Variants in SEC24A observed in about 807,000 individuals in gnomAD.
SEC24A encodes the protein SEC24 homolog A, COPII component, also known as protein transport protein Sec24A.
SEC24A carries 93 observed loss-of-function variants against 129.4 expected under a neutral mutation model. The ratio of observed to expected loss-of-function variants is 0.72; its 90% confidence interval spans 0.61 to 0.85. The LOEUF is 0.85. Among genes scored for constraint, SEC24A ranks in the 40% least tolerant of loss-of-function variants. SEC24A has a pLI of 0.00. For synonymous variants in SEC24A, 460 were observed against 467.3 expected (o/e 0.98, Z 0.20); for missense variants, 1,264 against 1,307.4 (o/e 0.97, Z 0.51).
chr5:134,713,376 C>T (rs1232753413), intron 18 of SEC24A, among the ~76,000 whole-genome samples: 1 of 152,120 alleles, frequency 6.6e-6, no homozygotes, highest in Non-Finnish European at 1.5e-5. Flanking sequence ...CCTCACCATC[C>T]TGACACCCCT....
intron 10 of SEC24A, among the ~76,000 whole-genome samples, chr5:134,687,766 TC>T (rs1260833979): frequency 6.6e-6 from 1 of 152,260 alleles, no homozygotes; most frequent in East Asian, 1.9e-4. Context: ...TATTTGTAGT[TC>T]TTTAAAATAG....
intron 3 of SEC24A, among the ~76,000 whole-genome samples, chr5:134,669,032 A>G (rs918552955): frequency 2.0e-5 from 3 of 151,264 alleles, no homozygotes; most frequent in Non-Finnish European, 4.4e-5. Context: ...AGATCACACC[A>G]CAGTACTCCA....
intron 13 of SEC24A, 104 bp downstream of exon 13, chr5:134,694,037 A>G: frequency 1.1e-6 from 1 of 888,742 alleles, no homozygotes; most frequent in Non-Finnish European, 1.7e-6. Flanking sequence ...TGTTGGGAGG[A>G]GGGACTATAA....
intron 9 of SEC24A, among the ~76,000 whole-genome samples, 194 bp from the exon 10 acceptor site, chr5:134,686,595 AT>A (rs1244403107): frequency 6.6e-6 from 1 of 152,154 alleles, no homozygotes; most frequent in Non-Finnish European, 1.5e-5. Context: ...ACTCTTCTGA[AT>A]TACGGCAATC....
chr5:134,687,408 C>T (rs1751489661), intron 10 of SEC24A, among the ~76,000 whole-genome samples: 1 of 152,156 alleles, frequency 6.6e-6, no homozygotes, highest in Non-Finnish European at 1.5e-5. Flanking sequence ...AAACAGTATA[C>T]ACACATTGCA....
At chr5:134,691,940 A>AT (rs1357679007) in intron 11 of SEC24A, among the ~76,000 whole-genome samples, 2 of 148,918 alleles carry the variant, frequency 1.3e-5, no homozygotes, top group Non-Finnish European at 3.0e-5. Context: ...AGGGCCAGCC[A>AT]TTTAAAAAAA....
intron 15 of SEC24A, among the ~76,000 whole-genome samples, chr5:134,699,384 C>T (rs559829051): frequency 2.6e-5 from 4 of 151,174 alleles, no homozygotes; most frequent in Non-Finnish European, 5.9e-5. Context: ...CTGCAAGCTC[C>T]GCCTCCTGGG....
intron 19 of SEC24A, among the ~76,000 whole-genome samples, chr5:134,716,067 A>T (rs1385817353): frequency 6.6e-6 from 1 of 152,122 alleles, no homozygotes; most frequent in African/African-American, 2.4e-5. Flanking sequence ...CTTTGGTAGA[A>T]ATTTACCAGA....
intron 7 of SEC24A, among the ~76,000 whole-genome samples, chr5:134,677,393 G>A (rs541569631): frequency 2.0e-5 from 3 of 151,710 alleles, no homozygotes; most frequent in Admixed American, 6.6e-5. Context: ...CTTGAGGATT[G>A]CTGACTTTCC....
intron 3 of SEC24A, among the ~76,000 whole-genome samples, chr5:134,668,463 C>T (rs1247091787): frequency 2.0e-5 from 3 of 151,618 alleles, no homozygotes; most frequent in African/African-American, 7.3e-5. Context: ...CGGTGGCTCA[C>T]GCCTATAATC....
chr5:134,666,789 T>C, intron 2 of SEC24A, 34 bp from the exon 3 acceptor site: 1 of 1,603,124 alleles, frequency 6.2e-7, no homozygotes, highest in South Asian at 1.1e-5. Flanking sequence ...TCTTGAGTTC[T>C]CAAGTGACGT....
At chr5:134,654,204 T>G (rs560959252) in intron 1 of SEC24A, among the ~76,000 whole-genome samples, 137 of 151,318 alleles carry the variant, frequency 9.1e-4, no homozygotes, top group African/African-American at 3.2e-3. Flanking sequence ...ACAGTAGCCT[T>G]TTTCAAAAAA....
rs116104000 is a variant in SEC24A at position 134,692,513 on chromosome 5, G to A, written c.1724-89G>A. 1.2e-3 allele frequency: 784 copies of A among 670,490 alleles called. 8 individuals are homozygous for A. In the African/African-American group the frequency reaches 0.013, roughly 11 times the overall value. The allele number at this position is 670,490 out of a possible 1,614,324, so 41.5% of individuals were successfully genotyped here. On this transcript the variant is annotated intron_variant, in intron 11 of 22. Coordinates refer to ENST00000398844, the MANE Select transcript of SEC24A (RefSeq NM_021982.3). ...GAGGAGGTGGCTTATTTTTAAGGAA[G>A]GGGGTGGTTAATTGCATTAGTGTTA...
At chr5:134,656,360 G>A (rs1051385164) in intron 1 of SEC24A, among the ~76,000 whole-genome samples, 3 of 152,036 alleles carry the variant, frequency 2.0e-5, no homozygotes, top group African/African-American at 4.8e-5. Flanking sequence ...TTACAGGCCT[G>A]AGCCACCGCG....
rs746497470 is a variant in SEC24A, at chr5:134,686,924, A to G, written c.1604+22A>G. The G allele has an allele frequency of 3.8e-6, 5 of 1,300,216 alleles. No homozygotes were observed. The South Asian group carries it at 6.4e-5, about 17-fold the overall frequency. 80.5% of individuals were successfully genotyped at this position (1,300,216 alleles called of 1,614,324 possible). Reference sequence around the variant, plus strand: ...ATTTGTAAGTTTCTCAATTCAGCTTAAATATGAAACTAATAATATTTTCTA... The same window carrying G: ...ATTTGTAAGTTTCTCAATTCAGCTTGAATATGAAACTAATAATATTTTCTA... On this transcript the variant is annotated intron_variant, in intron 10 of 22. Transcript: ENST00000398844.
chr5:134,718,208 A>ATACTGTTTAAAC, intron 20 of SEC24A, 35 bp downstream of exon 20: 1 of 1,396,842 alleles, frequency 7.2e-7, no homozygotes, highest in Admixed American at 1.7e-5. Context: ...CCTCACTGCA[A>ATACTGTTTAAAC]ACTACTATAC....
At chr5:134,686,935 TA>T (rs1159996754) in intron 10 of SEC24A, 33 bp downstream of exon 10, 1 of 1,160,582 alleles carries the variant, frequency 8.6e-7, no homozygotes, top group Non-Finnish European at 1.3e-6. Flanking sequence ...AATATGAAAC[TA>T]ATAATATTTT....
intron 12 of SEC24A, chr5:134,693,141 C>T: frequency 1.3e-6 from 2 of 1,535,650 alleles, no homozygotes; most frequent in Non-Finnish European, 1.7e-6. Context: ...ATGTTGTCTA[C>T]CCTGTACATG....
chr5:134,683,236 G>A (rs1751335734), intron 9 of SEC24A, among the ~76,000 whole-genome samples: 1 of 151,392 alleles, frequency 6.6e-6, no homozygotes, highest in Non-Finnish European at 1.5e-5. Context: ...GGTCAGGCTG[G>A]TCTCAAACTC....
Sources: gnomAD v4.1 joint callset for allele counts (sites outside exome capture counted in the v4.1 genomes callset) on GRCh38, gnomAD v4.1.1 for gene constraint, MANE v1.5 for transcripts, NCBI Gene and HGNC (gene_info 2026-07-23, HGNC 2026-07-21) for gene names.